Variants in DDX27 observed in about 807,000 individuals in gnomAD.
DDX27 encodes the protein DEAD-box helicase 27, also known as probable ATP-dependent RNA helicase DDX27.
DDX27 carries 42 observed loss-of-function variants against 99.3 expected under a neutral mutation model. The ratio of observed to expected loss-of-function variants is 0.42; its 90% CI spans 0.33 to 0.55. DDX27 has a LOEUF of 0.55. Ranked by LOEUF, DDX27 falls within the 20% of genes least tolerant of loss-of-function variation. The pLI is 0.07. For synonymous variants in DDX27, 329 were observed against 353.8 expected (o/e 0.93, Z 0.79); for missense variants, 798 against 976.8 (o/e 0.82, Z 2.44).
chr20:49,229,158 C>T (rs1980010230), intron 8 of DDX27, among the ~76,000 whole-genome samples: 1 of 151,650 alleles, frequency 6.6e-6, no homozygotes, highest in African/African-American at 2.4e-5. Flanking sequence ...CTGCCTCAGC[C>T]TCCCCAGTAG....
intron 20 of DDX27, 44 bp downstream of exon 20, chr20:49,243,747 G>A: frequency 6.2e-7 from 1 of 1,613,528 alleles, no homozygotes; most frequent in South Asian, 1.1e-5. Context: ...TGGGATTAGA[G>A]ATAAAAACCT....
intron 7 of DDX27, among the ~76,000 whole-genome samples, chr20:49,227,885 G>T (rs1979958024): frequency 6.8e-6 from 1 of 146,388 alleles, no homozygotes; most frequent in Non-Finnish European, 1.5e-5. Flanking sequence ...CTGTTGCCCA[G>T]GCTGGAGTGC....
rs756967689 is a variant in DDX27 at position 49,228,698 on chromosome 20, G to C, written c.707-17G>C. 2 of 1,577,516 alleles carry C rather than the reference G, an allele frequency of 1.3e-6. No homozygotes were observed. ...CTAAACTTCTTCTCATTGCTTCCTT[G>C]CTGTCCCTCCCTCCAGGTAAAACTG... On this transcript the variant is annotated splice_polypyrimidine_tract_variant and intron_variant, in intron 7 of 20. Transcript: ENST00000618172.
intron 8 of DDX27, 129 bp downstream of exon 8, chr20:49,229,017 A>C: frequency 1.4e-6 from 1 of 725,792 alleles, no homozygotes; most frequent in Non-Finnish European, 1.9e-6. Flanking sequence ...GAATCCACTT[A>C]AAAACTGGAA....
chr20:49,219,766 A>G (rs1220677471), intron 1 of DDX27, among the ~76,000 whole-genome samples: 1 of 152,030 alleles, frequency 6.6e-6, no homozygotes, highest in Non-Finnish European at 1.5e-5. Context: ...TGCTGAACTC[A>G]GTATCTATTC....
At chr20:49,221,410 T>G (rs1389524365) in intron 1 of DDX27, 42 bp from the exon 2 acceptor site, 2 of 1,611,316 alleles carry the variant, frequency 1.2e-6, no homozygotes, top group South Asian at 2.2e-5. Context: ...CTATCATTCT[T>G]TATCTCAGCC....
At chr20:49,219,674 C>G in intron 1 of DDX27, 133 bp downstream of exon 1, 2 of 942,044 alleles carry the variant, frequency 2.1e-6, no homozygotes, top group Non-Finnish European at 3.0e-6. Context: ...TCACCGGGAC[C>G]CCAAGATCTT....
At chr20:49,225,348 G>T in intron 6 of DDX27, 149 bp downstream of exon 6, 1 of 680,090 alleles carries the variant, frequency 1.5e-6, no homozygotes, top group South Asian at 1.8e-5. Context: ...GCCAGTAGTG[G>T]CTTATTTTGG....
In DDX27 at chr20:49,242,155, A is replaced by T; in HGVS notation, c.2065A>T (p.Arg689Ter). Residue 689 changes from arginine to a stop codon, truncating the protein, a stop_gained, in exon 18 of 21, where the codon AGA becomes TGA. Coordinates refer to ENST00000618172, the MANE Select transcript of DDX27 (RefSeq NM_017895.8). LOFTEE classifies it high-confidence loss of function. The stretch of plus-strand genomic sequence containing the variant: ...TGAACGGCTAGCGAAGAGGAATCGC[A>T]GAGCCAAGCGGGCCCGAGCAATGCC... ...FAERLAKRNR[R>*]AKRARAMPEE... 6.2e-7 allele frequency: 1 copy of T among 1,614,210 alleles called. No individual in the cohort carries two copies. Among genetic ancestry groups the T allele is most frequent in the Non-Finnish European group, 8.5e-7 (1 of 1,180,008 alleles).
chr20:49,242,862 T>C (rs1400435387), intron 19 of DDX27, among the ~76,000 whole-genome samples, 181 bp downstream of exon 19: 2 of 152,004 alleles, frequency 1.3e-5, no homozygotes, highest in African/African-American at 4.8e-5. Flanking sequence ...GCTGGGACTA[T>C]AGGCGCACGC....
chr20:49,226,371 T>C, intron 6 of DDX27, 59 bp from the exon 7 acceptor site: 2 of 1,361,820 alleles, frequency 1.5e-6, no homozygotes, highest in South Asian at 2.5e-5. Context: ...CTGCCCTGTT[T>C]GTGTTGTGCT....
In DDX27 at chr20:49,236,112, G is replaced by C; in HGVS notation, c.1428-38G>C. 6.4e-7 allele frequency: 1 copy of C among 1,567,536 alleles called. No individual in the cohort carries two copies. The highest frequency in any genetic ancestry group is 8.7e-7 in the Non-Finnish European group (1 of 1,149,786). On this transcript the variant is annotated intron_variant, in intron 12 of 20. Coordinates refer to ENST00000618172, the MANE Select transcript of DDX27 (RefSeq NM_017895.8). The surrounding 1 kb of genome is among the most constrained non-coding windows in gnomAD (Gnocchi z 4.1). Reference sequence around the variant, plus strand: ...GCTCTTGTGGAGCATTATTAGGGGAGGGTGTCTGGATGAACAGCTGTTTGT... The same window carrying C: ...GCTCTTGTGGAGCATTATTAGGGGACGGTGTCTGGATGAACAGCTGTTTGT...
intron 11 of DDX27, chr20:49,234,309 GC>G (rs1261634548): frequency 1.3e-5 from 2 of 152,060 alleles, no homozygotes; most frequent in Non-Finnish European, 2.9e-5. Context: ...TGTCGCCCAG[GC>G]TGGAGTACAC....
intron 1 of DDX27, among the ~76,000 whole-genome samples, chr20:49,220,966 C>T (rs1979645930): frequency 1.3e-5 from 2 of 152,092 alleles, no homozygotes; most frequent in African/African-American, 4.8e-5. Flanking sequence ...GTCTCATTCA[C>T]TTCATTTTTT....
At chr20:49,229,284 C>T (rs1010281892) in intron 8 of DDX27, among the ~76,000 whole-genome samples, 6 of 152,116 alleles carry the variant, frequency 3.9e-5, no homozygotes, top group African/African-American at 1.2e-4. Context: ...CCTGCCTTGG[C>T]CTCCCAAAGT....
At chr20:49,219,596 T>G in intron 1 of DDX27, 55 bp downstream of exon 1, 583 of 1,401,274 alleles carry the variant, frequency 4.2e-4, no homozygotes, top group Non-Finnish European at 5.2e-4. Context: ...TTCCTCGCGA[T>G]TCCTCAGGTC....
At chr20:49,223,526 GT>G (rs1979769208) in intron 4 of DDX27, 93 bp downstream of exon 4, 2 of 1,153,522 alleles carry the variant, frequency 1.7e-6, no homozygotes. Flanking sequence ...CTTCTGCACA[GT>G]TTATCTTTAA....
intron 12 of DDX27, 78 bp downstream of exon 12, chr20:49,235,166 G>A: frequency 6.8e-7 from 1 of 1,478,838 alleles, no homozygotes; most frequent in Non-Finnish European, 9.0e-7. Context: ...AGGACCCTGA[G>A]CATTCTATTA....
Position 49,236,280 on chromosome 20 carries a change from T to C in DDX27, c.1509+49T>C. 6.4e-7 allele frequency: 1 copy of C among 1,571,918 alleles called. No individual in the cohort carries two copies. The highest frequency in any genetic ancestry group is 1.4e-5 in the African/African-American group (1 of 73,634). ...GACTTTTGGTGGAAGTCTTTTTGCC[T>C]CTTCGCACCCCCCTTCCCTTGCCAG... On this transcript the variant is annotated intron_variant, in intron 13 of 20. Transcript: ENST00000618172. This position sits in a 1 kb window ranked among gnomAD's most constrained non-coding sequence, Gnocchi z 4.1.
Sources: gnomAD v4.1 joint callset for allele counts (sites outside exome capture counted in the v4.1 genomes callset) on GRCh38, gnomAD v4.1.1 for gene constraint, Gnocchi (gnomAD v3.1) non-coding constraint, MANE v1.5 for transcripts, NCBI Gene and HGNC (gene_info 2026-07-23, HGNC 2026-07-21) for gene names.